LTBP1: variants seen among roughly 807,000 people sequenced by gnomAD.
The protein encoded by LTBP1 is latent transforming growth factor beta binding protein 1.
In LTBP1, 129 loss-of-function variants were observed where a neutral mutation model predicts 207.6. That is an observed-to-expected ratio of 0.62 (90% CI 0.54 to 0.72). The LOEUF is 0.72. Among genes scored for constraint, LTBP1 ranks in the 30% least tolerant of loss-of-function variants. The pLI, the probability that LTBP1 is intolerant of heterozygous loss-of-function variation, is 0.00. For synonymous variants in LTBP1, 963 were observed against 833.7 expected, an observed-to-expected ratio of 1.16 and a Z score of -2.67; for missense variants, 2,281 against 2,217.2, an observed-to-expected ratio of 1.03 and a Z score of -0.58.
At chr2:33,314,168 C>G (rs149459364) in intron 23 of LTBP1, among the ~76,000 whole-genome samples, 4 of 152,088 alleles carry the variant, frequency 2.6e-5, no homozygotes, top group African/African-American at 7.2e-5. Flanking sequence ...TGCTTTTTGA[C>G]GCTTCATTGT....
chr2:33,130,226 T>C (rs2081691263), intron 4 of LTBP1, among the ~76,000 whole-genome samples: 1 of 152,232 alleles, frequency 6.6e-6, no homozygotes, highest in South Asian at 2.1e-4. Flanking sequence ...TACACGTGAC[T>C]TGTGTATTGA....
intron 32 of LTBP1, among the ~76,000 whole-genome samples, chr2:33,390,036 C>G (rs961896152): frequency 5.3e-5 from 8 of 152,146 alleles, no homozygotes; most frequent in African/African-American, 1.9e-4. Flanking sequence ...TGTATTGCAG[C>G]CTTTTTTTCC....
chr2:33,322,676 T>A (rs1424287884), intron 24 of LTBP1, among the ~76,000 whole-genome samples: 1 of 152,226 alleles, frequency 6.6e-6, no homozygotes, highest in Non-Finnish European at 1.5e-5. Context: ...GTAAGTAGGT[T>A]AAGTATTAAT....
chr2:33,139,527 G>C (rs2082464979), intron 5 of LTBP1, among the ~76,000 whole-genome samples: 1 of 152,200 alleles, frequency 6.6e-6, no homozygotes, highest in Admixed American at 6.5e-5. Context: ...GCTGAGGGAG[G>C]ATGCTTAGAG....
chr2:33,113,352 C>T (rs1386229857), intron 4 of LTBP1, among the ~76,000 whole-genome samples: 1 of 152,108 alleles, frequency 6.6e-6, no homozygotes, highest in Non-Finnish European at 1.5e-5. Context: ...GCTCTCGACA[C>T]TTGGTAAGAG....
intron 5 of LTBP1, among the ~76,000 whole-genome samples, chr2:33,174,786 A>G (rs946138523): frequency 2.6e-5 from 4 of 152,212 alleles, no homozygotes; most frequent in Non-Finnish European, 4.4e-5. Flanking sequence ...CCAAAACAGC[A>G]TGGTACTGGT....
chr2:33,100,692 C>T (rs1260281221), intron 3 of LTBP1, among the ~76,000 whole-genome samples: 4 of 151,788 alleles, frequency 2.6e-5, no homozygotes, highest in Non-Finnish European at 2.9e-5. Context: ...AACAGTAATT[C>T]TCTCTCTCTC....
At chr2:33,220,315 A>G (rs1030876106) in intron 8 of LTBP1, among the ~76,000 whole-genome samples, 2 of 144,872 alleles carry the variant, frequency 1.4e-5, no homozygotes, top group African/African-American at 4.9e-5. Context: ...TTTCTACGCT[A>G]TGGTTTTGTG....
intron 9 of LTBP1, 90 bp from the exon 10 acceptor site, chr2:33,243,572 A>G (rs867901006): frequency 1.8e-5 from 21 of 1,179,204 alleles, no homozygotes; most frequent in African/African-American, 6.1e-5. Flanking sequence ...AAAGATTACT[A>G]TAGTGAAAAA....
At chr2:33,194,874 G>C (rs533983613) in intron 7 of LTBP1, among the ~76,000 whole-genome samples, 1 of 152,332 alleles carries the variant, frequency 6.6e-6, no homozygotes, top group Admixed American at 6.5e-5. Context: ...AATGCAGCTG[G>C]TGACTTTTAG....
intron 7 of LTBP1, among the ~76,000 whole-genome samples, chr2:33,205,613 G>T (rs998986382): frequency 2.0e-5 from 3 of 152,106 alleles, no homozygotes; most frequent in Non-Finnish European, 4.4e-5. Context: ...AGCAGGGAAC[G>T]AGAGGTTCTG....
intron 31 of LTBP1, among the ~76,000 whole-genome samples, chr2:33,367,640 A>G (rs1211287426): frequency 6.6e-6 from 1 of 152,222 alleles, no homozygotes; most frequent in Non-Finnish European, 1.5e-5. Context: ...CAATTAGGAT[A>G]GTGACCTCCA....
intron 24 of LTBP1, among the ~76,000 whole-genome samples, chr2:33,330,501 T>C (rs2094480533): frequency 6.6e-6 from 1 of 151,756 alleles, no homozygotes; most frequent in African/African-American, 2.4e-5. Flanking sequence ...TCTTAATAGA[T>C]ATTCTTTATC....
chr2:33,191,689 G>A (rs561544153), intron 7 of LTBP1, among the ~76,000 whole-genome samples: 71 of 152,278 alleles, frequency 4.7e-4, no homozygotes, highest in African/African-American at 1.7e-3. Flanking sequence ...ATAGCCAGGA[G>A]GTATAGGTAG....
intron 26 of LTBP1, among the ~76,000 whole-genome samples, chr2:33,355,430 A>T (rs917863029): frequency 2.6e-5 from 4 of 152,006 alleles, no homozygotes; most frequent in Non-Finnish European, 5.9e-5. Flanking sequence ...TCTCTAGATG[A>T]CTCATAATAC....
chr2:33,377,978 A>G (rs1452872775), intron 31 of LTBP1, among the ~76,000 whole-genome samples: 1 of 152,166 alleles, frequency 6.6e-6, no homozygotes, highest in Non-Finnish European at 1.5e-5. Flanking sequence ...CGGGATTACA[A>G]TTCAAGATGA....
rs539481539 is a variant in LTBP1 at position 32,991,818 on chromosome 2, GA to G, written c.566-29089del. Reference sequence around the variant, plus strand: ...GCCACAGGCAACTTAGCCTGCACTTGAATCTTTGTAGGGACAAAAAACTCAC... The same window carrying G: ...GCCACAGGCAACTTAGCCTGCACTTGATCTTTGTAGGGACAAAAAACTCAC... On this transcript the variant is annotated intron_variant, in intron 2 of 33. Transcript: ENST00000404816. Among the ~76,000 whole-genome samples, 82 of 152,282 alleles carry G rather than the reference GA, an allele frequency of 5.4e-4. 1 individual carries two copies. The South Asian group carries it at 7.1e-3, about 13-fold the overall frequency.
intron 5 of LTBP1, among the ~76,000 whole-genome samples, chr2:33,178,372 C>G (rs80153324): frequency 6.6e-6 from 1 of 152,024 alleles, no homozygotes; most frequent in Admixed American, 6.6e-5. Flanking sequence ...ACAGCAATGG[C>G]GAGGTTGATG....
chr2:33,204,424 T>C (rs953092309), intron 7 of LTBP1, among the ~76,000 whole-genome samples: 1 of 152,210 alleles, frequency 6.6e-6, no homozygotes, highest in Non-Finnish European at 1.5e-5. Flanking sequence ...AAATTCAAAA[T>C]ATTTTGTATA....
Sources: gnomAD v4.1 joint callset for allele counts (sites outside exome capture counted in the v4.1 genomes callset) on GRCh38, gnomAD v4.1.1 for gene constraint, MANE v1.5 for transcripts, NCBI Gene and HGNC (gene_info 2026-07-23, HGNC 2026-07-21) for gene names.